Variants in CHSY3 observed in about 807,000 individuals in gnomAD.
CHSY3 encodes N-acetylgalactosaminyl-proteoglycan 3-beta-glucuronosyltransferase 3.
CHSY3 carries 35 observed loss-of-function variants against 67.2 expected under a neutral mutation model. That is an observed-to-expected ratio of 0.52 (90% CI 0.40 to 0.69). The LOEUF (loss-of-function observed/expected upper bound fraction) is 0.69, where lower values mean the gene tolerates loss of function less well. Ranked by LOEUF, CHSY3 falls within the 30% of genes least tolerant of loss-of-function variation. CHSY3 has a pLI of 0.00. For synonymous variants in CHSY3, 474 were observed against 434.7 expected, an observed-to-expected ratio of 1.09 and a Z score of -1.12; for missense variants, 1,069 against 1,138.5, an observed-to-expected ratio of 0.94 and a Z score of 0.88.
intron 2 of CHSY3, among the ~76,000 whole-genome samples, chr5:130,127,688 C>A (rs1286574502): frequency 6.6e-6 from 1 of 152,128 alleles, no homozygotes; most frequent in Non-Finnish European, 1.5e-5. Flanking sequence ...AAACTTAGGT[C>A]AATCAGAAAT....
intron 2 of CHSY3, among the ~76,000 whole-genome samples, chr5:130,134,458 G>C (rs1427769290): frequency 6.6e-6 from 1 of 152,138 alleles, no homozygotes; most frequent in Admixed American, 6.5e-5. Flanking sequence ...GAATCCTGTT[G>C]ACATTCACCA....
intron 2 of CHSY3, among the ~76,000 whole-genome samples, chr5:130,021,808 A>G (rs1764399124): frequency 6.6e-6 from 1 of 152,138 alleles, no homozygotes; most frequent in Non-Finnish European, 1.5e-5. Context: ...AAAATATACT[A>G]CAGCTCTCAG....
At chr5:130,082,247 C>T (rs1766469770) in intron 2 of CHSY3, among the ~76,000 whole-genome samples, 1 of 149,918 alleles carries the variant, frequency 6.7e-6, no homozygotes, top group Non-Finnish European at 1.5e-5. Context: ...TTAAAGTGGA[C>T]TGCTGAATTT....
intron 2 of CHSY3, among the ~76,000 whole-genome samples, chr5:130,169,163 C>G (rs1197246942): frequency 6.6e-6 from 1 of 152,024 alleles, no homozygotes; most frequent in Non-Finnish European, 1.5e-5. Flanking sequence ...TCTTCAGCAT[C>G]TACTGTATAC....
intron 2 of CHSY3, among the ~76,000 whole-genome samples, chr5:130,016,145 T>C (rs964955107): frequency 5.9e-5 from 9 of 152,246 alleles, no homozygotes; most frequent in Non-Finnish European, 1.2e-4. Flanking sequence ...GGTCTCTACC[T>C]GGTGATGGAG....
chr5:130,141,271 A>C, intron 2 of CHSY3: 1 of 452,190 alleles, frequency 2.2e-6, no homozygotes, highest in Non-Finnish European at 4.3e-6. Context: ...ATTAAGCATA[A>C]TCCCACCATT....
At chr5:130,122,217 G>A (rs139944914) in intron 2 of CHSY3, among the ~76,000 whole-genome samples, 180 of 152,228 alleles carry the variant, frequency 1.2e-3, no homozygotes, top group African/African-American at 4.1e-3. Flanking sequence ...TGTGATAACA[G>A]CAGATTTAGA....
chr5:129,997,776 T>C (rs906960857), intron 2 of CHSY3, among the ~76,000 whole-genome samples: 2 of 152,134 alleles, frequency 1.3e-5, no homozygotes, highest in Non-Finnish European at 2.9e-5. Flanking sequence ...TCTGTCCTTG[T>C]AATAGTTTGC....
intron 2 of CHSY3, among the ~76,000 whole-genome samples, chr5:129,968,712 G>A (rs1408439803): frequency 6.6e-6 from 1 of 151,800 alleles, no homozygotes; most frequent in East Asian, 1.9e-4. Context: ...TTTATTAAAT[G>A]GTAAGCATAC....
chr5:130,036,875 G>T (rs1764876836), intron 2 of CHSY3, among the ~76,000 whole-genome samples: 1 of 152,082 alleles, frequency 6.6e-6, no homozygotes, highest in Non-Finnish European at 1.5e-5. Flanking sequence ...CCTTGTCAGT[G>T]AAACTGGTAA....
intron 2 of CHSY3, 68 bp downstream of exon 2, chr5:129,908,428 G>C: frequency 1.3e-6 from 2 of 1,557,814 alleles, no homozygotes; most frequent in Non-Finnish European, 1.7e-6. Context: ...ATCTAGGGCA[G>C]CGATTCTATT....
chr5:129,976,044 A>G (rs1762797927), intron 2 of CHSY3, among the ~76,000 whole-genome samples: 1 of 152,032 alleles, frequency 6.6e-6, no homozygotes, highest in Non-Finnish European at 1.5e-5. Context: ...AATAAAAATA[A>G]ATAAATAAAA....
intron 2 of CHSY3, among the ~76,000 whole-genome samples, chr5:130,050,337 G>A (rs1157285872): frequency 6.6e-6 from 1 of 151,908 alleles, no homozygotes; most frequent in African/African-American, 2.4e-5. Flanking sequence ...TTCATTTGTG[G>A]TATCTTTAAG....
intron 2 of CHSY3, among the ~76,000 whole-genome samples, chr5:130,115,557 G>T (rs1412931114): frequency 1.3e-5 from 2 of 151,972 alleles, no homozygotes. Context: ...ACATTATACT[G>T]TCCTCTTTAA....
intron 2 of CHSY3, among the ~76,000 whole-genome samples, chr5:130,074,492 C>G (rs2149683344): frequency 6.6e-6 from 1 of 152,198 alleles, no homozygotes; most frequent in South Asian, 2.1e-4. Flanking sequence ...TTTGATATAA[C>G]CAAATGTGCT....
chr5:129,969,415 A>G (rs145170242), intron 2 of CHSY3, among the ~76,000 whole-genome samples: 12 of 151,970 alleles, frequency 7.9e-5, no homozygotes, highest in African/African-American at 2.6e-4. Flanking sequence ...TTTATGATGC[A>G]TATTTTCTTC....
intron 2 of CHSY3, among the ~76,000 whole-genome samples, chr5:129,910,932 G>T (rs1271549588): frequency 6.7e-6 from 1 of 148,820 alleles, no homozygotes. Flanking sequence ...ATAGAATTTT[G>T]GTAAATTTTT....
chr5:129,972,528 A>T (rs1405134038), intron 2 of CHSY3, among the ~76,000 whole-genome samples: 1 of 151,932 alleles, frequency 6.6e-6, no homozygotes, highest in Admixed American at 6.6e-5. Flanking sequence ...CCCCTAAGTA[A>T]AAGTCTTAAT....
rs138351688 is a variant in CHSY3 at position 130,070,442 on chromosome 5, A to G, written c.1087-113787A>G. On this transcript the variant is annotated intron_variant, in intron 2 of 2. Transcript: ENST00000305031. ...ATTGAAAGGCAAAGAGCTTGGATAAATGAATCCACCACGTCCAGCTTTCCC... is the reference window on the plus strand; with the variant it reads ...ATTGAAAGGCAAAGAGCTTGGATAAGTGAATCCACCACGTCCAGCTTTCCC... 2.1e-3 allele frequency among the ~76,000 whole-genome samples: 313 copies of G among 152,234 alleles called. 3 individuals carry two copies. The highest frequency in any genetic ancestry group is 6.9e-3 in the African/African-American group (286 of 41,570).
Sources: gnomAD v4.1 joint callset for allele counts (sites outside exome capture counted in the v4.1 genomes callset) on GRCh38, gnomAD v4.1.1 for gene constraint, MANE v1.5 for transcripts, NCBI Gene and HGNC (gene_info 2026-07-23, HGNC 2026-07-21) for gene names.